MROH7: variants seen among roughly 807,000 people sequenced by gnomAD.
MROH7 encodes maestro heat like repeat family member 7.
Under a neutral mutation model 129.2 loss-of-function variants are expected in MROH7, and 113 were observed. That is an observed-to-expected ratio of 0.87 (90% CI 0.75 to 1.02). MROH7 has a LOEUF of 1.02. MROH7 is among the 50% of genes least tolerant of loss of function. The pLI is 0.00. For missense variants in MROH7, 1,601 were observed against 1,671.3 expected (o/e 0.96, Z 0.73); for synonymous variants, 655 against 667.9 (o/e 0.98, Z 0.30).
chr1:54,668,947 C>CGGTGGCTCACGCCTGTAATCCCAG lies in MROH7; in HGVS notation c.1389+10_1389+11insGGTGGCTCACGCCTGTAATCCCAG. ...GATAAAGAAGATTATGGTGGGGGAG[C>CGGTGGCTCACGCCTGTAATCCCAG]CACAGGCGGGTCTGTGGCATTGGGG... On this transcript the variant is annotated intron_variant, in intron 5 of 23. Coordinates refer to ENST00000421030, the MANE Select transcript of MROH7 (RefSeq NM_001039464.4). The CGGTGGCTCACGCCTGTAATCCCAG allele has an allele frequency of 1.2e-6, 2 of 1,606,240 alleles. No homozygotes were observed. Among genetic ancestry groups the CGGTGGCTCACGCCTGTAATCCCAG allele is most frequent in the Non-Finnish European group, 8.5e-7 (1 of 1,173,110 alleles).
chr1:54,685,581 G>A (rs983041345), intron 14 of MROH7, among the ~76,000 whole-genome samples: 4 of 152,138 alleles, frequency 2.6e-5, no homozygotes, highest in African/African-American at 9.6e-5. Context: ...GGTGGGCCAA[G>A]TATGAGGGTG....
chr1:54,678,664 T>C, intron 10 of MROH7, 78 bp from the exon 11 acceptor site: 1 of 952,534 alleles, frequency 1.0e-6, no homozygotes, highest in Non-Finnish European at 1.7e-6. Context: ...TAGTTCCTTA[T>C]GATGTAGGGA....
chr1:54,678,816 C>G lies in MROH7; in HGVS notation c.2011C>G (p.Pro671Ala). 1 of 1,613,764 alleles carries G rather than the reference C, an allele frequency of 6.2e-7. No homozygotes were observed. Among genetic ancestry groups the G allele is most frequent in the Non-Finnish European group, 8.5e-7 (1 of 1,179,852 alleles). Reference protein sequence around the residue: ...SNKHFLGPYNPVSPCQNILRV... With the variant: ...SNKHFLGPYNAVSPCQNILRV... The stretch of plus-strand genomic sequence containing the variant: ...CAAGCATTTCCTGGGGCCCTACAAC[C>G]CTGTGAGCCCGTGCCAGAACATTCT... Residue 671 changes from proline (P) to alanine (A), a missense_variant, in exon 11 of 24, where the codon CCT (proline) becomes GCT (alanine). Pro to Ala is a conservative substitution (Grantham distance 27). Coordinates refer to ENST00000421030, the MANE Select transcript of MROH7 (RefSeq NM_001039464.4).
At chr1:54,691,885 C>T (rs899999204) in intron 15 of MROH7, among the ~76,000 whole-genome samples, 1 of 144,786 alleles carries the variant, frequency 6.9e-6, no homozygotes, top group African/African-American at 2.7e-5. Flanking sequence ...CTCCTCCCCC[C>T]CACCCCCCAT....
Position 54,653,225 on chromosome 1 carries a change from G to T in MROH7, c.299G>T (p.Cys100Phe). 1 of 1,614,194 alleles carries T rather than the reference G, an allele frequency of 6.2e-7. No individual in the cohort carries two copies. The highest frequency in any genetic ancestry group is 8.5e-7 in the Non-Finnish European group (1 of 1,180,030). Reference protein sequence around the residue: ...APASLQITSSCSGEALDLDSK... With the variant: ...APASLQITSSFSGEALDLDSK... ...GCCTCCCTCCAGATCACCAGTTCTT[G>T]TTCTGGTGAAGCCCTGGACCTGGAT... is the stretch of plus-strand genomic sequence containing the variant. The change falls in exon 3 of 24, where the codon TGT (cysteine) becomes TTT (phenylalanine). Residue 100 changes from cysteine (C) to phenylalanine (F), a missense_variant. Transcript: ENST00000421030.
chr1:54,702,001 C>T lies in MROH7; in HGVS notation c.3286-89C>T. ...GAGTCGGGAGAGTTCCAGACCTAGG[C>T]TTGAGTGAGAGGAACAATGGCTCTG... On this transcript the variant is annotated intron_variant, in intron 19 of 23. Coordinates refer to ENST00000421030, the MANE Select transcript of MROH7 (RefSeq NM_001039464.4). The T allele has an allele frequency of 3.3e-6, 4 of 1,207,222 alleles. 1 individual carries two copies. The highest frequency in any genetic ancestry group is 3.6e-5 in the South Asian group (2 of 54,936). 74.8% of individuals were successfully genotyped at this position (1,207,222 alleles called of 1,614,324 possible). A position where few individuals can be genotyped will look rare whatever the true frequency, so the allele number is the denominator to read the frequency against.
chr1:54,645,798 G>A (rs894655944), intron 1 of MROH7, among the ~76,000 whole-genome samples: 3 of 151,308 alleles, frequency 2.0e-5, no homozygotes, highest in South Asian at 2.1e-4. Context: ...GACTACAGGC[G>A]CACACCACCA....
chr1:54,682,507 T>C (rs1645086173), intron 13 of MROH7, 149 bp from the exon 14 acceptor site: 1 of 734,258 alleles, frequency 1.4e-6, no homozygotes, highest in African/African-American at 1.8e-5. Flanking sequence ...CCTGACTCTT[T>C]GGGAGTGTTT....
intron 7 of MROH7, among the ~76,000 whole-genome samples, chr1:54,671,360 A>T (rs536422307): frequency 6.6e-6 from 1 of 152,262 alleles, no homozygotes; most frequent in African/African-American, 2.4e-5. Flanking sequence ...AGATTGCGCC[A>T]CTGCACTCCA....
At chr1:54,692,591 G>C in intron 16 of MROH7, 30 bp downstream of exon 16, 1 of 1,601,902 alleles carries the variant, frequency 6.2e-7, no homozygotes, top group Non-Finnish European at 8.5e-7. Flanking sequence ...TGGGGTTGGG[G>C]TGGGAGGGAG....
chr1:54,704,930 G>C (rs1280454379), intron 21 of MROH7, among the ~76,000 whole-genome samples: 4 of 150,212 alleles, frequency 2.7e-5, no homozygotes, highest in African/African-American at 9.8e-5. Flanking sequence ...CTCCTGCGTA[G>C]CTGGGATTAC....
rs1370607445 is a variant in MROH7, at chr1:54,701,279, T to C, written c.3242T>C (p.Val1081Ala). ...GRDQKLMDSA[V>A]YVEMLQILLP... ...GACCAGAAGCTGATGGACAGTGCGG[T>C]CTATGTGGAGATGCTGCAGATCCTG... The change falls in exon 19 of 24, where the codon GTC becomes GCC. Residue 1081 changes from valine to alanine, a missense_variant. Coordinates refer to ENST00000421030, the MANE Select transcript of MROH7 (RefSeq NM_001039464.4). The C allele has an allele frequency of 6.2e-7, 1 of 1,610,640 alleles. No homozygotes were observed. The highest frequency in any genetic ancestry group is 1.3e-5 in the African/African-American group (1 of 74,844).
intron 21 of MROH7, among the ~76,000 whole-genome samples, chr1:54,705,028 A>G (rs753026238): frequency 2.0e-4 from 31 of 151,686 alleles, no homozygotes; most frequent in Non-Finnish European, 3.7e-4. Flanking sequence ...TGAACTCCTG[A>G]CCTCAGGTGA....
intron 17 of MROH7, 29 bp downstream of exon 17, chr1:54,695,519 G>A (rs1181380571): frequency 5.4e-6 from 8 of 1,480,842 alleles, no homozygotes; most frequent in South Asian, 1.2e-5. Flanking sequence ...GGTACACAGC[G>A]GGAGCTCCTC....
chr1:54,697,340 G>A (rs1024196255), intron 17 of MROH7: 152 of 295,342 alleles, frequency 5.1e-4, no homozygotes, highest in Admixed American at 8.0e-4. Context: ...TGGGAGAAGG[G>A]ACCATGTCAC....
At chr1:54,658,307 G>T (rs1644679534) in intron 3 of MROH7, among the ~76,000 whole-genome samples, 1 of 151,968 alleles carries the variant, frequency 6.6e-6, no homozygotes. Flanking sequence ...TTTATTTCTG[G>T]GTACTCTATT....
intron 12 of MROH7, 73 bp from the exon 13 acceptor site, chr1:54,679,818 C>A: frequency 2.7e-6 from 4 of 1,463,292 alleles, no homozygotes; most frequent in Non-Finnish European, 3.7e-6. Context: ...CTTCCCTCTC[C>A]TCCCACCTTC....
At chr1:54,670,412 C>A in intron 5 of MROH7, 85 bp from the exon 6 acceptor site, 1 of 1,191,862 alleles carries the variant, frequency 8.4e-7, no homozygotes, top group Non-Finnish European at 1.2e-6. Context: ...CTGCTGTGAC[C>A]TGCTCCTTGT....
At chr1:54,705,419 T>TG (rs953814762) in intron 21 of MROH7, among the ~76,000 whole-genome samples, 1 of 151,804 alleles carries the variant, frequency 6.6e-6, no homozygotes, top group East Asian at 1.9e-4. Context: ...CGAGATACAG[T>TG]GGGGGGACAT....
Sources: allele counts gnomAD v4.1 joint callset (sites outside exome capture counted in the v4.1 genomes callset), GRCh38; gene constraint gnomAD v4.1.1; transcripts MANE v1.5; gene names NCBI Gene and HGNC (gene_info 2026-07-23, HGNC 2026-07-21).